Variants in TAF1B observed in about 807,000 individuals in gnomAD.
TAF1B encodes TATA box-binding protein-associated factor RNA polymerase I subunit B.
In TAF1B, 61 loss-of-function variants were observed where a neutral mutation model predicts 83.9. The observed-to-expected ratio is 0.73, with a 90% CI of 0.59 to 0.90. The LOEUF is 0.90. Among genes scored for constraint, TAF1B ranks in the 40% least tolerant of loss-of-function variants. TAF1B has a pLI of 0.00. For missense variants in TAF1B, 625 were observed against 677.0 expected (o/e 0.92, Z 0.85); for synonymous variants, 221 against 224.6 (o/e 0.98, Z 0.14).
At chr2:9,911,590 T>C (rs999313912) in intron 11 of TAF1B, 33 bp downstream of exon 11, 16 of 1,415,686 alleles carry the variant, frequency 1.1e-5, no homozygotes, top group Non-Finnish European at 1.2e-5. Context: ...AAATTCAAAG[T>C]GGTTATAGAT....
At chr2:9,898,125 C>T (rs1665071211) in intron 8 of TAF1B, among the ~76,000 whole-genome samples, 1 of 152,034 alleles carries the variant, frequency 6.6e-6, no homozygotes, top group African/African-American at 2.4e-5. Flanking sequence ...TTTTTGTTTC[C>T]TACAACCGGC....
chr2:9,929,685 G>T (rs1004941839), intron 14 of TAF1B, among the ~76,000 whole-genome samples: 1 of 152,172 alleles, frequency 6.6e-6, no homozygotes, highest in Admixed American at 6.5e-5. Context: ...GTATCAGGAT[G>T]ATGCTGGCCT....
intron 14 of TAF1B, among the ~76,000 whole-genome samples, chr2:9,929,026 T>TATGTTCCATCAGTACCTA (rs1303915620): frequency 2.0e-5 from 3 of 152,258 alleles, no homozygotes; most frequent in African/African-American, 7.2e-5. Context: ...TGTTTTGAGA[T>TATGTTCCATCAGTACCTA]ATGTTCCATC....
At chr2:9,851,232 T>G (rs981375564) in intron 3 of TAF1B, among the ~76,000 whole-genome samples, 4 of 152,326 alleles carry the variant, frequency 2.6e-5, no homozygotes, top group African/African-American at 9.6e-5. Flanking sequence ...CTATTCATTT[T>G]TCTGCCTCTT....
In TAF1B at chr2:9,911,505, C is replaced by A; in HGVS notation, c.1134-6C>A. Reference sequence around the variant, plus strand: ...AATAAATTGATTTGTTTATTGTTATCTCCAGGTCTTTGTCTAATCTTGCTG... The same window carrying A: ...AATAAATTGATTTGTTTATTGTTATATCCAGGTCTTTGTCTAATCTTGCTG... On this transcript the variant is annotated splice_polypyrimidine_tract_variant and splice_region_variant and intron_variant, in intron 10 of 14. Transcript: ENST00000263663. The A allele has an allele frequency of 6.6e-7, 1 of 1,510,370 alleles. No individual in the cohort carries two copies. The allele number at this position is 1,510,370 out of a possible 1,614,324, so 93.6% of individuals were successfully genotyped here. A position where few individuals can be genotyped will look rare whatever the true frequency, so the allele number is the denominator to read the frequency against.
chr2:9,931,415 C>T (rs1178641347), intron 14 of TAF1B, among the ~76,000 whole-genome samples: 1 of 152,080 alleles, frequency 6.6e-6, no homozygotes, highest in African/African-American at 2.4e-5. Flanking sequence ...TTTATTTCTC[C>T]TCCACTTATG....
At chr2:9,897,077 C>T (rs1008835383) in intron 8 of TAF1B, among the ~76,000 whole-genome samples, 10 of 152,182 alleles carry the variant, frequency 6.6e-5, no homozygotes, top group African/African-American at 2.4e-4. Flanking sequence ...ATGGTGCTGA[C>T]TTGAAGCCCT....
intron 5 of TAF1B, among the ~76,000 whole-genome samples, chr2:9,861,088 G>A (rs972180055): frequency 3.5e-4 from 53 of 152,292 alleles, no homozygotes; most frequent in African/African-American, 1.1e-3. Context: ...TGGGGAGTGC[G>A]GGACAGTGGG....
intron 5 of TAF1B, among the ~76,000 whole-genome samples, chr2:9,862,784 A>G (rs935412642): frequency 6.6e-6 from 1 of 152,244 alleles, no homozygotes; most frequent in African/African-American, 2.4e-5. Flanking sequence ...AGTGGGGGCC[A>G]ATATTCAACA....
intron 8 of TAF1B, among the ~76,000 whole-genome samples, chr2:9,884,355 A>T (rs556077864): frequency 6.6e-6 from 1 of 152,256 alleles, no homozygotes; most frequent in African/African-American, 2.4e-5. Context: ...TGCCCACAAC[A>T]TGGCGAGCAA....
intron 6 of TAF1B, among the ~76,000 whole-genome samples, chr2:9,872,468 A>G (rs1333394651): frequency 6.6e-6 from 1 of 152,170 alleles, no homozygotes; most frequent in Non-Finnish European, 1.5e-5. Flanking sequence ...AGGGATCCCC[A>G]GTGAAAACTG....
At chr2:9,904,060 A>C (rs1665268968) in intron 8 of TAF1B, among the ~76,000 whole-genome samples, 1 of 152,126 alleles carries the variant, frequency 6.6e-6, no homozygotes, top group Non-Finnish European at 1.5e-5. Flanking sequence ...TTCTTTTCTT[A>C]AGCATTCCAA....
chr2:9,873,258 G>A (rs1664222872), intron 6 of TAF1B, among the ~76,000 whole-genome samples: 2 of 152,126 alleles, frequency 1.3e-5, no homozygotes, highest in African/African-American at 4.8e-5. Context: ...GGCAATAAAC[G>A]ACCAAATAAA....
Position 9,919,688 on chromosome 2 carries a change from A to G in TAF1B, c.1433A>G (p.Asn478Ser), listed in dbSNP as rs377120295. ...GKKSPSSFQFNWTEEDTDRTC... is the reference protein window; with the variant it reads ...GKKSPSSFQFSWTEEDTDRTC... The stretch of plus-strand genomic sequence containing the variant: ...AAAAGCCCTTCAAGTTTTCAGTTCA[A>G]CTGGACTGAAGAGGACACTGATAGA... The change falls in exon 14 of 15, where the codon AAC (asparagine) becomes AGC (serine). Residue 478 changes from asparagine (N) to serine (S), a missense_variant. Coordinates refer to ENST00000263663, the MANE Select transcript of TAF1B (RefSeq NM_005680.3). The G allele has an allele frequency of 3.7e-6, 6 of 1,614,062 alleles. No individual in the cohort carries two copies. The African/African-American group carries it at 4.0e-5, about 11-fold the overall frequency.
At chr2:9,920,432 G>A (rs565288437) in intron 14 of TAF1B, among the ~76,000 whole-genome samples, 1 of 152,218 alleles carries the variant, frequency 6.6e-6, no homozygotes, top group Admixed American at 6.5e-5. Context: ...GTATTTTTCA[G>A]AAATGTCAGT....
chr2:9,909,649 A>C (rs1665462683), intron 9 of TAF1B, among the ~76,000 whole-genome samples: 1 of 152,220 alleles, frequency 6.6e-6, no homozygotes, highest in South Asian at 2.1e-4. Context: ...GGGTGGCCTA[A>C]GGAGCAACAG....
chr2:9,868,768 T>C (rs1289983639), intron 6 of TAF1B: 1 of 481,070 alleles, frequency 2.1e-6, no homozygotes, highest in African/African-American at 2.0e-5. Context: ...AAAATGTTAT[T>C]ATGTAGCCAT....
chr2:9,871,204 C>T (rs867258142), intron 6 of TAF1B, among the ~76,000 whole-genome samples: 6 of 152,248 alleles, frequency 3.9e-5, no homozygotes, highest in African/African-American at 9.6e-5. Context: ...CTCATCTTCC[C>T]GAGTAGCTGG....
At chr2:9,886,659 G>A (rs1240065037) in intron 8 of TAF1B, among the ~76,000 whole-genome samples, 3 of 147,872 alleles carry the variant, frequency 2.0e-5, no homozygotes, top group Non-Finnish European at 4.6e-5. Context: ...ATTACTAAAT[G>A]TTTAGGGGAC....
Sources: gnomAD v4.1 joint callset for allele counts (sites outside exome capture counted in the v4.1 genomes callset) on GRCh38, gnomAD v4.1.1 for gene constraint, MANE v1.5 for transcripts, NCBI Gene and HGNC (gene_info 2026-07-23, HGNC 2026-07-21) for gene names.